The following ESR1 variants were observed in gnomAD, a reference collection of about 807,000 sequenced individuals.
ESR1 encodes the protein estrogen receptor 1.
A neutral mutation model predicts 52.7 loss-of-function variants in ESR1; 12 were observed. The observed-to-expected ratio is 0.23, with a 90% CI of 0.15 to 0.37. The LOEUF (loss-of-function observed/expected upper bound fraction) is 0.37. Ranked by LOEUF, ESR1 falls within the 10% of genes least tolerant of loss-of-function variation. ESR1 has a pLI of 1.00. For synonymous variants in ESR1, 305 were observed against 316.8 expected (o/e 0.96, Z 0.39); for missense variants, 584 against 779.7 (o/e 0.75, Z 2.99).
At chr6:151,730,771 T>C (rs1354645228) in intron 2 of ESR1, among the ~76,000 whole-genome samples, 1 of 152,124 alleles carries the variant, frequency 6.6e-6, no homozygotes, top group Non-Finnish European at 1.5e-5. Context: ...GAATAAAGAG[T>C]ATCCCTGAAG....
At chr6:151,846,050 C>G (rs1262788528) in intron 2 of ESR1, among the ~76,000 whole-genome samples, 1 of 152,022 alleles carries the variant, frequency 6.6e-6, no homozygotes, top group Non-Finnish European at 1.5e-5. Flanking sequence ...CCACTCAGTC[C>G]TGGTGGTGGT....
intron 5 of ESR1, among the ~76,000 whole-genome samples, chr6:152,042,989 T>C (rs1164509291): frequency 6.6e-6 from 1 of 152,202 alleles, no homozygotes; most frequent in Non-Finnish European, 1.5e-5. Flanking sequence ...ATATCTAGCA[T>C]GCAGAGAAGA....
At chr6:151,904,355 A>C (rs1195895077) in intron 3 of ESR1, among the ~76,000 whole-genome samples, 1 of 152,208 alleles carries the variant, frequency 6.6e-6, no homozygotes, top group African/African-American at 2.4e-5. Context: ...TAAGATGAAT[A>C]ATTTTGTTAG....
At chr6:151,899,957 G>A (rs914491851) in intron 3 of ESR1, among the ~76,000 whole-genome samples, 19 of 150,862 alleles carry the variant, frequency 1.3e-4, no homozygotes, top group African/African-American at 4.1e-4. Context: ...AGACGATGGC[G>A]GCCAGGCAGA....
intron 4 of ESR1, among the ~76,000 whole-genome samples, chr6:151,989,584 T>A (rs80205454): frequency 0.023 from 3,546 of 152,198 alleles, 72 homozygotes; most frequent in South Asian, 0.071. Flanking sequence ...CACTAATATT[T>A]TTCTGCAGTT....
intron 2 of ESR1, among the ~76,000 whole-genome samples, chr6:151,770,677 CA>C (rs1785438950): frequency 6.6e-6 from 1 of 151,692 alleles, no homozygotes; most frequent in African/African-American, 2.4e-5. Flanking sequence ...GAATTTTAGG[CA>C]AAAAGTGTTT....
rs374999016 is a variant in ESR1 at position 152,088,951 on chromosome 6, T to C, written c.1370-5434T>C. On this transcript the variant is annotated intron_variant, in intron 6 of 7. Coordinates refer to ENST00000206249, the MANE Select transcript of ESR1 (RefSeq NM_000125.4). ...CAAAGTGATTCCCTTTGTTATAAGATGAAAAAGAGCCAAAATGGATAGAAA... is the reference window on the plus strand; with the variant it reads ...CAAAGTGATTCCCTTTGTTATAAGACGAAAAAGAGCCAAAATGGATAGAAA... 2.6e-4 allele frequency among the ~76,000 whole-genome samples: 39 copies of C among 152,268 alleles called. No homozygotes were observed. The East Asian group carries it at 3.1e-3, about 12-fold the overall frequency.
intron 1 of ESR1, among the ~76,000 whole-genome samples, chr6:151,826,150 G>A (rs6910500): frequency 0.023 from 3,576 of 152,186 alleles, 51 homozygotes; most frequent in African/African-American, 0.045. Context: ...CTCACACCTT[G>A]CTTCGCATAG....
chr6:151,992,092 C>T (rs2041079666), intron 4 of ESR1, among the ~76,000 whole-genome samples: 1 of 152,140 alleles, frequency 6.6e-6, no homozygotes, highest in South Asian at 2.1e-4. Flanking sequence ...CAACAGTGAG[C>T]TCTTTGAGGG....
At chr6:151,934,175 G>C (rs1428488184) in intron 3 of ESR1, among the ~76,000 whole-genome samples, 1 of 152,114 alleles carries the variant, frequency 6.6e-6, no homozygotes, top group African/African-American at 2.4e-5. Flanking sequence ...TTCCTTCCCA[G>C]TGTCAGTATT....
At chr6:151,911,493 A>G (rs748420315) in intron 3 of ESR1, among the ~76,000 whole-genome samples, 20 of 152,092 alleles carry the variant, frequency 1.3e-4, no homozygotes, top group Admixed American at 1.0e-3. Flanking sequence ...CGTCTTTCCT[A>G]TGGTTCATTT....
intron 3 of ESR1, among the ~76,000 whole-genome samples, chr6:151,915,273 C>A (rs2029863994): frequency 1.3e-5 from 2 of 151,968 alleles, no homozygotes; most frequent in African/African-American, 2.4e-5. Flanking sequence ...GTTGGGAAAG[C>A]CCTTTCATTA....
intron 5 of ESR1, among the ~76,000 whole-genome samples, chr6:152,060,671 T>C (rs936427404): frequency 2.2e-4 from 34 of 152,150 alleles, no homozygotes; most frequent in African/African-American, 8.0e-4. Flanking sequence ...AGATAAATCG[T>C]TTACCCAGAT....
intron 2 of ESR1, among the ~76,000 whole-genome samples, chr6:151,856,364 T>A (rs1787833075): frequency 6.6e-6 from 1 of 152,220 alleles, no homozygotes; most frequent in Non-Finnish European, 1.5e-5. Flanking sequence ...GCAACTTTCT[T>A]GATTTTCTTC....
intron 3 of ESR1, among the ~76,000 whole-genome samples, chr6:151,913,101 TAAA>T (rs1274105534): frequency 6.6e-6 from 1 of 151,800 alleles, no homozygotes; most frequent in East Asian, 1.9e-4. Flanking sequence ...GAAAAAGAAA[TAAA>T]AAATAATAAA....
intron 6 of ESR1, among the ~76,000 whole-genome samples, chr6:152,117,538 G>A (rs1194118079): frequency 6.6e-6 from 1 of 152,152 alleles, no homozygotes; most frequent in Admixed American, 6.5e-5. Context: ...AAATTCATGA[G>A]CCTGATTTAT....
chr6:152,007,349 A>G (rs13216134), intron 4 of ESR1, among the ~76,000 whole-genome samples: 19,569 of 151,942 alleles, frequency 0.13, 1,492 homozygotes, highest in East Asian at 0.33. Flanking sequence ...TTACTGTATA[A>G]TGGAAGGCAG....
At chr6:151,765,541 A>AT (rs975242827) in intron 2 of ESR1, among the ~76,000 whole-genome samples, 63 of 152,092 alleles carry the variant, frequency 4.1e-4, no homozygotes, top group African/African-American at 1.4e-3. Context: ...TGCTATTGCT[A>AT]TTTTTTTTCC....
At chr6:151,783,244 G>A (rs1214539523) in intron 2 of ESR1, among the ~76,000 whole-genome samples, 1 of 152,182 alleles carries the variant, frequency 6.6e-6, no homozygotes, top group Non-Finnish European at 1.5e-5. Flanking sequence ...TTTGCTTTGG[G>A]GAGATTGATC....
Sources: allele counts gnomAD v4.1 joint callset (sites outside exome capture counted in the v4.1 genomes callset), GRCh38; gene constraint gnomAD v4.1.1; transcripts MANE v1.5; gene names NCBI Gene and HGNC (gene_info 2026-07-23, HGNC 2026-07-21).